Variants in GLP1R observed in about 807,000 individuals in gnomAD.
GLP1R encodes glucagon-like peptide 1 receptor.
A neutral mutation model predicts 68.4 loss-of-function variants in GLP1R; 32 were observed. That is an observed-to-expected ratio of 0.47 (90% CI 0.35 to 0.63). The LOEUF (loss-of-function observed/expected upper bound fraction) is 0.63, where lower values mean the gene tolerates loss of function less well. Ranked by LOEUF, GLP1R falls within the 20% of genes least tolerant of loss-of-function variation. The probability of loss-of-function intolerance (pLI) is 0.00; values close to 1 mark genes in which losing one functional copy is unlikely to be tolerated. For missense variants in GLP1R, 502 were observed against 594.9 expected (o/e 0.84, Z 1.62); for synonymous variants, 263 against 244.4 (o/e 1.08, Z -0.71).
chr6:39,048,844 G>A lies in GLP1R; in HGVS notation c.4G>A (p.Ala2Thr), dbSNP rs1768021501. The change falls in exon 1 of 13, where the codon GCC becomes ACC. Residue 2 changes from alanine to threonine, a missense_variant. Physicochemically the swap from Ala to Thr is moderately conservative, Grantham distance 58 (BLOSUM62 0). Coordinates refer to ENST00000373256, the MANE Select transcript of GLP1R (RefSeq NM_002062.5). MAGAPGPLRLAL... is the reference protein window; with the variant it reads MTGAPGPLRLAL... ...GCCCAGTCCTGAACTCCCCGCCATGGCCGGCGCCCCCGGCCCGCTGCGCCT... is the reference window on the plus strand; with the variant it reads ...GCCCAGTCCTGAACTCCCCGCCATGACCGGCGCCCCCGGCCCGCTGCGCCT... The A allele has an allele frequency of 2.0e-6, 3 of 1,470,776 alleles. No individual in the cohort carries two copies. Among genetic ancestry groups the A allele is most frequent in the Admixed American group, 2.0e-5 (1 of 49,950 alleles). 91.1% of individuals were successfully genotyped at this position (1,470,776 alleles called of 1,614,324 possible).
In GLP1R at chr6:39,079,271, G is replaced by C. The variant is rs2150836266; in HGVS notation, c.1043+71G>C. 3 of 1,124,042 alleles carry C rather than the reference G, an allele frequency of 2.7e-6. No homozygotes were observed. Among genetic ancestry groups the C allele is most frequent in the Non-Finnish European group, 4.1e-6 (3 of 734,076 alleles). The allele number at this position is 1,124,042 out of a possible 1,614,324, so 69.6% of individuals were successfully genotyped here. The stretch of plus-strand genomic sequence containing the variant: ...CCTTTCCTTCTAGCAGAGAGAGAGA[G>C]AGAGATCCTGGGATGCTTAGCTTAG... On this transcript the variant is annotated intron_variant, in intron 10 of 12. Transcript: ENST00000373256. The surrounding 1 kb of genome is among the most constrained non-coding windows in gnomAD (Gnocchi z 4.5).
intron 12 of GLP1R, among the ~76,000 whole-genome samples, 189 bp downstream of exon 12, chr6:39,080,928 A>AAC: frequency 6.6e-6 from 1 of 151,874 alleles, no homozygotes. Context: ...CTCACACATG[A>AAC]ACACACACAC....
intron 12 of GLP1R, among the ~76,000 whole-genome samples, chr6:39,081,013 G>T (rs997505527): frequency 1.3e-5 from 2 of 151,918 alleles, no homozygotes; most frequent in African/African-American, 4.8e-5. Context: ...AGGGGATCCT[G>T]AATGACCCTC....
rs936947427 is a variant in GLP1R at position 39,060,642 on chromosome 6, C to T, written c.283+3063C>T. ...GAGAACACCCAGCCTCTCTCTCCCTCTGCCCTTCCATCTTCTGCCAATGCC... is the reference window on the plus strand; with the variant it reads ...GAGAACACCCAGCCTCTCTCTCCCTTTGCCCTTCCATCTTCTGCCAATGCC... On this transcript the variant is annotated intron_variant, in intron 3 of 12. Transcript: ENST00000373256. Among the ~76,000 whole-genome samples the T allele has an allele frequency of 2.0e-5, 3 of 152,234 alleles. No individual in the cohort carries two copies. The South Asian group carries it at 6.2e-4, about 32-fold the overall frequency.
Position 39,057,487 on chromosome 6 carries a change from G to C in GLP1R, c.191G>C (p.Arg64Pro). 1 of 1,611,972 alleles carries C rather than the reference G, an allele frequency of 6.2e-7. No individual in the cohort carries two copies. Among genetic ancestry groups the C allele is most frequent in the Non-Finnish European group, 8.5e-7 (1 of 1,178,134 alleles). Residue 64 changes from arginine to proline, a missense_variant, in exon 3 of 13, where the codon CGG becomes CCG. By Grantham distance (103) the Arg-to-Pro change is moderately radical. Transcript: ENST00000373256. The stretch of plus-strand genomic sequence containing the variant: ...CTGCTCCCAGACTTGTTCTGCAACC[G>C]GACCTTCGATGAATACGCCTGCTGG... ...PPPATDLFCN[R>P]TFDEYACWPD...
rs184882267 is a variant in GLP1R at position 39,053,317 on chromosome 6, C to T, written c.79-3080C>T. ...GACACTGGTGGGCAGGGCCTTGCCCCTCCTCACAGGGCATGGGGTCCAAAG... is the reference window on the plus strand; with the variant it reads ...GACACTGGTGGGCAGGGCCTTGCCCTTCCTCACAGGGCATGGGGTCCAAAG... On this transcript the variant is annotated intron_variant, in intron 1 of 12. Transcript: ENST00000373256. 1.3e-3 allele frequency among the ~76,000 whole-genome samples: 204 copies of T among 152,360 alleles called. 1 individual carries two copies. Among genetic ancestry groups the T allele is most frequent in the Non-Finnish European group, 5.7e-4 (39 of 68,028 alleles).
chr6:39,081,904 A>G (rs554196561), intron 12 of GLP1R, among the ~76,000 whole-genome samples: 10 of 152,338 alleles, frequency 6.6e-5, no homozygotes, highest in African/African-American at 2.4e-4. Context: ...AAGGTGCGAA[A>G]GGGGAACAGA....
At chr6:39,050,445 C>T (rs1768060235) in intron 1 of GLP1R, among the ~76,000 whole-genome samples, 1 of 152,104 alleles carries the variant, frequency 6.6e-6, no homozygotes, top group Non-Finnish European at 1.5e-5. Context: ...GGCCTTATTC[C>T]CAGAAGTGTC....
At chr6:39,053,898 G>A (rs1768148138) in intron 1 of GLP1R, among the ~76,000 whole-genome samples, 1 of 152,016 alleles carries the variant, frequency 6.6e-6, no homozygotes, top group Non-Finnish European at 1.5e-5. Context: ...CTCTCTCCCT[G>A]CCCCAAAAAA....
At chr6:39,052,694 G>A (rs1012322863) in intron 1 of GLP1R, among the ~76,000 whole-genome samples, 1 of 152,108 alleles carries the variant, frequency 6.6e-6, no homozygotes, top group Non-Finnish European at 1.5e-5. Context: ...TCCTTCCAAC[G>A]CTGCCTGCTT....
intron 7 of GLP1R, among the ~76,000 whole-genome samples, chr6:39,077,538 A>C (rs1286849658): frequency 1.3e-5 from 2 of 152,196 alleles, no homozygotes; most frequent in African/African-American, 2.4e-5. Context: ...AATGCAAAAC[A>C]AGCCACAGTG....
At chr6:39,076,112 G>A (rs997410155) in intron 7 of GLP1R, among the ~76,000 whole-genome samples, 1 of 152,166 alleles carries the variant, frequency 6.6e-6, no homozygotes, top group Non-Finnish European at 1.5e-5. Context: ...TGATAACATG[G>A]GTGAGTGCCC....
At position 39,049,739 on chromosome 6, in the gene GLP1R, G is replaced by A. The variant is rs1043334412; in HGVS notation, c.78+821G>A. ...GAGAGCAGGCCACAGGTGGACCACCGCAGCCCCTCTCTCTTGCCCTTGTTG... is the reference window on the plus strand; with the variant it reads ...GAGAGCAGGCCACAGGTGGACCACCACAGCCCCTCTCTCTTGCCCTTGTTG... On this transcript the variant is annotated intron_variant, in intron 1 of 12. Coordinates refer to ENST00000373256, the MANE Select transcript of GLP1R (RefSeq NM_002062.5). This position sits in a 1 kb window ranked among gnomAD's most constrained non-coding sequence, Gnocchi z 4.5. Among the ~76,000 whole-genome samples, 1 of 152,186 alleles carries A rather than the reference G, an allele frequency of 6.6e-6. No homozygotes were observed.
chr6:39,073,753 C>A lies in GLP1R; in HGVS notation c.807C>A (p.Tyr269Ter), dbSNP rs201312953. The change falls in exon 7 of 13, where the codon TAC becomes TAA. Residue 269 changes from tyrosine (Y) to a stop codon, truncating the protein, a stop_gained. Coordinates refer to ENST00000373256, the MANE Select transcript of GLP1R (RefSeq NM_002062.5). LOFTEE classifies it high-confidence loss of function. Reference protein sequence around the residue: ...VLSEQWIFRLYVSIGWGVPLL... With the variant: ...VLSEQWIFRL The stretch of plus-strand genomic sequence containing the variant: ...CTGAGCAATGGATCTTCAGGCTCTA[C>A]GTGAGCATAGGCTGGGGTAAGAACC... 6.2e-7 allele frequency: 1 copy of A among 1,613,978 alleles called. No individual in the cohort carries two copies. Among genetic ancestry groups the A allele is most frequent in the Non-Finnish European group, 8.5e-7 (1 of 1,179,922 alleles).
At chr6:39,077,632 A>T (rs1768865593) in intron 7 of GLP1R, among the ~76,000 whole-genome samples, 1 of 152,276 alleles carries the variant, frequency 6.6e-6, no homozygotes, top group Admixed American at 6.5e-5. Flanking sequence ...TACAACGTGG[A>T]CTAACTACCC....
At chr6:39,077,255 T>C (rs1768856038) in intron 7 of GLP1R, among the ~76,000 whole-genome samples, 1 of 152,210 alleles carries the variant, frequency 6.6e-6, no homozygotes, top group Non-Finnish European at 1.5e-5. Context: ...CCCCCTGCTG[T>C]CCCTTCTCTC....
intron 3 of GLP1R, among the ~76,000 whole-genome samples, chr6:39,064,043 C>T (rs141185191): frequency 0.068 from 9,953 of 145,848 alleles, 475 homozygotes; most frequent in East Asian, 0.11. Flanking sequence ...ACTCTGTCGC[C>T]TAGGCTGGAG....
At chr6:39,085,206 T>G (rs1375501690) in intron 12 of GLP1R, among the ~76,000 whole-genome samples, 1 of 152,144 alleles carries the variant, frequency 6.6e-6, no homozygotes, top group Non-Finnish European at 1.5e-5. Flanking sequence ...CCCCCAAGCA[T>G]CAGCCCTCCT....
chr6:39,052,675 TGCTGTCCTTCCTTCCAAC>T, intron 1 of GLP1R, among the ~76,000 whole-genome samples: 1 of 152,210 alleles, frequency 6.6e-6, no homozygotes, highest in Non-Finnish European at 1.5e-5. Context: ...CTTCCTTCTC[TGCTGTCCTTCCTTCCAAC>T]GCTGCCTGCT....
Sources: allele counts gnomAD v4.1 joint callset (sites outside exome capture counted in the v4.1 genomes callset), GRCh38; gene constraint gnomAD v4.1.1; non-coding constraint Gnocchi (gnomAD v3.1); transcripts MANE v1.5; gene names NCBI Gene and HGNC (gene_info 2026-07-23, HGNC 2026-07-21).